AP1AR: variants seen among roughly 807,000 people sequenced by gnomAD.
The protein encoded by AP1AR is adaptor related protein complex 1 associated regulatory protein, also known as AP-1 complex-associated regulatory protein.
AP1AR carries 29 observed loss-of-function variants against 46.3 expected under a neutral mutation model. That is an observed-to-expected ratio of 0.63 (90% CI 0.47 to 0.85). The LOEUF (loss-of-function observed/expected upper bound fraction) is 0.85, where lower values mean the gene tolerates loss of function less well. AP1AR is among the 40% of genes least tolerant of loss of function. AP1AR has a pLI of 0.00. For missense variants in AP1AR, 357 were observed against 356.3 expected, an observed-to-expected ratio of 1.00 and a Z score of -0.02; for synonymous variants, 122 against 122.9, an observed-to-expected ratio of 0.99 and a Z score of 0.05.
At chr4:112,253,183 A>C (rs781392015) in intron 1 of AP1AR, 25 bp from the exon 2 acceptor site, 2 of 1,589,880 alleles carry the variant, frequency 1.3e-6, no homozygotes, top group African/African-American at 2.7e-5. Context: ...TGTGTTTTTT[A>C]AAGTTATTCT....
chr4:112,264,092 C>T (rs1020188616), intron 6 of AP1AR, among the ~76,000 whole-genome samples: 2 of 152,176 alleles, frequency 1.3e-5, no homozygotes, highest in Admixed American at 1.3e-4. Flanking sequence ...TTCCCTCTCT[C>T]TCTCTGCTGT....
In AP1AR at chr4:112,264,988, TATTAC is replaced by T. The variant is rs1277922973; in HGVS notation, c.382-16_382-12del. The T allele has an allele frequency of 1.3e-6, 2 of 1,575,488 alleles. No individual in the cohort carries two copies. The highest frequency in any genetic ancestry group is 1.7e-6 in the Non-Finnish European group (2 of 1,162,286). On this transcript the variant is annotated splice_polypyrimidine_tract_variant and intron_variant, in intron 6 of 9. Coordinates refer to ENST00000274000, the MANE Select transcript of AP1AR (RefSeq NM_018569.6). ...AATTTTACAACAGAGTGATTTTTTT[TATTAC>T]ATTATGTTTCCAAAGCAAGAAAGGC...
chr4:112,238,480 C>G (rs1449676885), intron 1 of AP1AR, among the ~76,000 whole-genome samples: 2 of 151,896 alleles, frequency 1.3e-5, no homozygotes, highest in South Asian at 4.2e-4. Flanking sequence ...ATATAGAAAT[C>G]AATAGTGTCA....
At chr4:112,266,892 A>C in intron 9 of AP1AR, 176 bp downstream of exon 9, 1 of 507,776 alleles carries the variant, frequency 2.0e-6, no homozygotes, top group South Asian at 3.3e-5. Flanking sequence ...AAATTTTTAG[A>C]AAATTGCTTA....
At position 112,264,063 on chromosome 4, in the gene AP1AR, C is replaced by A. The variant is rs539191856; in HGVS notation, c.382-946C>A. 3.9e-5 allele frequency among the ~76,000 whole-genome samples: 6 copies of A among 152,238 alleles called. No homozygotes were observed. The South Asian group carries it at 1.0e-3, about 26-fold the overall frequency. ...CTATGTGAACTGTGTCCTTCTCCCC[C>A]CAACTTTCCTTCATTTTTTTCCCTC... On this transcript the variant is annotated intron_variant, in intron 6 of 9. Coordinates refer to ENST00000274000, the MANE Select transcript of AP1AR (RefSeq NM_018569.6).
intron 3 of AP1AR, among the ~76,000 whole-genome samples, chr4:112,255,966 G>A (rs1021103097): frequency 6.6e-6 from 1 of 152,166 alleles, no homozygotes; most frequent in Non-Finnish European, 1.5e-5. Context: ...TCGACTAGAA[G>A]AACACTGAAA....
rs530241065 is a variant in AP1AR at position 112,255,029 on chromosome 4, C to T, written c.159+256C>T. On this transcript the variant is annotated intron_variant, in intron 3 of 9. Transcript: ENST00000274000. ...AGGCTGGAGTGCAGTGGCGGGATCT[C>T]GGCTCACTGCAAGCTCCGCCTCCCG... 2.1e-4 allele frequency: 41 copies of T among 197,310 alleles called. No homozygotes were observed. In the East Asian group the frequency reaches 3.8e-3, roughly 18 times the overall value. The allele number at this position is 197,310 out of a possible 1,614,324, so 12.2% of individuals were successfully genotyped here.
At chr4:112,232,472 C>A (rs1358889958) in intron 1 of AP1AR, among the ~76,000 whole-genome samples, 1 of 152,190 alleles carries the variant, frequency 6.6e-6, no homozygotes, top group Non-Finnish European at 1.5e-5. Context: ...GGTAGCTTCG[C>A]GCTAATGGGC....
rs1726928240 is a variant in AP1AR at position 112,271,017 on chromosome 4, G to T, written c.*2608G>T. 6.6e-6 allele frequency among the ~76,000 whole-genome samples: 1 copy of T among 152,132 alleles called. No individual in the cohort carries two copies. The highest frequency in any genetic ancestry group is 2.1e-4 in the South Asian group (1 of 4,828). ...AAAGGCAGAGCAGATTTGTTTTAGA[G>T]GTAGAATCATCAGGATTTTCTGATG... On this transcript the variant is annotated 3_prime_UTR_variant, in exon 10 of 10. Transcript: ENST00000274000.
intron 1 of AP1AR, among the ~76,000 whole-genome samples, chr4:112,243,548 A>C (rs534003195): frequency 6.6e-6 from 1 of 152,260 alleles, no homozygotes; most frequent in African/African-American, 2.4e-5. Context: ...ACTGTTTAGG[A>C]CTTGTATCAT....
intron 1 of AP1AR, among the ~76,000 whole-genome samples, chr4:112,235,532 A>G (rs1015209296): frequency 6.6e-6 from 1 of 152,168 alleles, no homozygotes; most frequent in African/African-American, 2.4e-5. Flanking sequence ...ACATTCCGTT[A>G]CTTCCTATGT....
intron 3 of AP1AR, among the ~76,000 whole-genome samples, chr4:112,256,781 C>G (rs1007321574): frequency 5.9e-5 from 9 of 152,120 alleles, no homozygotes; most frequent in African/African-American, 2.2e-4. Flanking sequence ...AATTTCATAA[C>G]CTTGTGAAAG....
At chr4:112,251,748 T>G (rs761036312) in intron 1 of AP1AR, among the ~76,000 whole-genome samples, 3 of 152,104 alleles carry the variant, frequency 2.0e-5, no homozygotes, top group Non-Finnish European at 4.4e-5. Flanking sequence ...AGGCACTAGA[T>G]AGAGGATTAA....
intron 1 of AP1AR, among the ~76,000 whole-genome samples, chr4:112,251,687 G>T (rs924903198): frequency 6.6e-6 from 1 of 152,164 alleles, no homozygotes; most frequent in African/African-American, 2.4e-5. Context: ...ACTACTGAAG[G>T]TTCAACTCAT....
At chr4:112,235,688 A>G (rs1725209954) in intron 1 of AP1AR, among the ~76,000 whole-genome samples, 1 of 152,160 alleles carries the variant, frequency 6.6e-6, no homozygotes, top group South Asian at 2.1e-4. Context: ...CAGAGCTGGG[A>G]TTGCAACCCA....
In AP1AR at chr4:112,260,286, G is replaced by C. The variant is rs551689584; in HGVS notation, c.186-480G>C. Among the ~76,000 whole-genome samples the C allele has an allele frequency of 1.2e-4, 19 of 152,326 alleles. No homozygotes were observed. The East Asian group carries it at 3.7e-3, about 29-fold the overall frequency. On this transcript the variant is annotated intron_variant, in intron 4 of 9. Coordinates refer to ENST00000274000, the MANE Select transcript of AP1AR (RefSeq NM_018569.6). ...GGCCAGAAGATGACTGGGACAGATA[G>C]ACTGAGAAAAGGGAAGGATGAAGGG... is the stretch of plus-strand genomic sequence containing the variant.
chr4:112,245,834 C>T (rs891753198), intron 1 of AP1AR, among the ~76,000 whole-genome samples: 2 of 152,004 alleles, frequency 1.3e-5, no homozygotes, highest in African/African-American at 4.8e-5. Context: ...AAATATTGAC[C>T]TTTTTTTCAA....
At chr4:112,262,952 AT>A in intron 5 of AP1AR, 35 bp from the exon 6 acceptor site, 1 of 1,485,268 alleles carries the variant, frequency 6.7e-7, no homozygotes, top group Non-Finnish European at 9.4e-7. Flanking sequence ...ACAGGTTCTG[AT>A]TTTTGTTAAT....
intron 3 of AP1AR, among the ~76,000 whole-genome samples, chr4:112,256,333 TC>T (rs1357056682): frequency 2.4e-4 from 36 of 152,352 alleles, no homozygotes; most frequent in African/African-American, 8.7e-4. Context: ...ACTTTTGTCT[TC>T]ATGTCTTTCT....
Sources: gnomAD v4.1 joint callset for allele counts (sites outside exome capture counted in the v4.1 genomes callset) on GRCh38, gnomAD v4.1.1 for gene constraint, MANE v1.5 for transcripts, NCBI Gene and HGNC (gene_info 2026-07-23, HGNC 2026-07-21) for gene names.